GUCY1A1: variants seen among roughly 807,000 people sequenced by gnomAD.
GUCY1A1 encodes guanylate cyclase soluble subunit alpha-1.
GUCY1A1 carries 48 observed loss-of-function variants against 64.5 expected under a neutral mutation model. The observed-to-expected ratio is 0.74, with a 90% confidence interval of 0.59 to 0.95. The LOEUF is 0.95. Among genes scored for constraint, GUCY1A1 ranks in the 40% least tolerant of loss-of-function variants. GUCY1A1 has a pLI of 0.00. For synonymous variants in GUCY1A1, 308 were observed against 303.4 expected (o/e 1.02, Z -0.16); for missense variants, 804 against 825.3 (o/e 0.97, Z 0.32).
chr4:155,692,144 C>T (rs957449696), intron 2 of GUCY1A1, among the ~76,000 whole-genome samples: 54 of 152,278 alleles, frequency 3.5e-4, no homozygotes, highest in African/African-American at 1.3e-3. Flanking sequence ...TTTATAACTA[C>T]ATATTATTCC....
At position 155,711,265 on chromosome 4, in the gene GUCY1A1, A is replaced by G. The variant is rs2126859487; in HGVS notation, c.1086+14A>G. On this transcript the variant is annotated intron_variant, in intron 6 of 9. Transcript: ENST00000506455. ...AAATCTTCAAGGGTAAGGAAAACAT[A>G]ATACTATCTTGAATATGAAAGCTAT... 1 of 1,311,480 alleles carries G rather than the reference A, an allele frequency of 7.6e-7. No individual in the cohort carries two copies. The highest frequency in any genetic ancestry group is 2.3e-5 in the East Asian group (1 of 43,110). The allele number at this position is 1,311,480 out of a possible 1,614,324, so 81.2% of individuals were successfully genotyped here.
Position 155,715,965 on chromosome 4 carries a change from G to A in GUCY1A1, c.1573-1194G>A, listed in dbSNP as rs565318974. ...GGTAAGGGGTGATTGCTATTTCTTA[G>A]AGGGTGGTAGGAATCAGCTTTTCTA... is the stretch of plus-strand genomic sequence containing the variant. On this transcript the variant is annotated intron_variant, in intron 7 of 9. Coordinates refer to ENST00000506455, the MANE Select transcript of GUCY1A1 (RefSeq NM_001130682.3). Among the ~76,000 whole-genome samples the A allele has an allele frequency of 1.4e-3, 215 of 152,276 alleles. 1 individual carries two copies. The highest frequency in any genetic ancestry group is 0.01 in the Middle Eastern group (3 of 294).
chr4:155,684,324 G>A (rs1356578750), intron 2 of GUCY1A1, among the ~76,000 whole-genome samples: 3 of 152,086 alleles, frequency 2.0e-5, no homozygotes, highest in East Asian at 3.9e-4. Flanking sequence ...TTCATTTCTG[G>A]TAATGATTCT....
At chr4:155,705,733 C>T (rs1237342803) in intron 4 of GUCY1A1, among the ~76,000 whole-genome samples, 1 of 152,126 alleles carries the variant, frequency 6.6e-6, no homozygotes, top group Admixed American at 6.5e-5. Flanking sequence ...CATGAGTGAT[C>T]ATCTGCTCTG....
At position 155,731,587 on chromosome 4, in the gene GUCY1A1, G is replaced by A. The variant is rs538096846; in HGVS notation, c.*1356G>A. 11 of 151,852 alleles carry A rather than the reference G, an allele frequency of 7.2e-5. No homozygotes were observed. In the South Asian group the frequency reaches 1.9e-3, roughly 26 times the overall value. 9.4% of individuals were successfully genotyped at this position (151,852 alleles called of 1,614,324 possible). On this transcript the variant is annotated 3_prime_UTR_variant, in exon 10 of 10. Transcript: ENST00000506455. ...GTTAGGTCAGTTGAAGTTCTCTGGT[G>A]AACTAAAAAATCTACATTTTGGTTG...
At chr4:155,722,372 A>G (rs1222722559) in intron 9 of GUCY1A1, 180 bp downstream of exon 9, 2 of 1,409,790 alleles carry the variant, frequency 1.4e-6, no homozygotes, top group Admixed American at 3.1e-5. Flanking sequence ...TAGCCTCCTA[A>G]GAATGACTTG....
rs775880494 is a variant in GUCY1A1, at chr4:155,732,046, C to T, written c.*1815C>T. ...GTAAATACATTTTTCTTTCTGGAAC[C>T]GAACTCTTATTATGGGGAAATAATA... On this transcript the variant is annotated 3_prime_UTR_variant, in exon 10 of 10. Coordinates refer to ENST00000506455, the MANE Select transcript of GUCY1A1 (RefSeq NM_001130682.3). 11 of 151,686 alleles carry T rather than the reference C, an allele frequency of 7.3e-5. No individual in the cohort carries two copies. The highest frequency in any genetic ancestry group is 1.9e-4 in the East Asian group (1 of 5,146). The allele number at this position is 151,686 out of a possible 1,614,324, so 9.4% of individuals were successfully genotyped here.
At chr4:155,717,730 C>T (rs1733449903) in intron 8 of GUCY1A1, among the ~76,000 whole-genome samples, 1 of 152,110 alleles carries the variant, frequency 6.6e-6, no homozygotes, top group African/African-American at 2.4e-5. Flanking sequence ...CTATAATAAT[C>T]AGCAAGATGG....
In GUCY1A1 at chr4:155,717,306, A is replaced by G; in HGVS notation, c.1716+4A>G. On this transcript the variant is annotated splice_donor_region_variant and intron_variant, in intron 8 of 9. Coordinates refer to ENST00000506455, the MANE Select transcript of GUCY1A1 (RefSeq NM_001130682.3). ...TCCCCATGGAGAACCTATCAAGGTA[A>G]GGCAGATGATATATTGTCCAAAAGA... 6.4e-7 allele frequency: 1 copy of G among 1,562,952 alleles called. No individual in the cohort carries two copies. Among genetic ancestry groups the G allele is most frequent in the African/African-American group, 1.4e-5 (1 of 73,330 alleles).
At chr4:155,721,587 G>T (rs1454444752) in intron 8 of GUCY1A1, among the ~76,000 whole-genome samples, 2 of 152,108 alleles carry the variant, frequency 1.3e-5, no homozygotes, top group Admixed American at 6.6e-5. Context: ...ATGTCTAAAA[G>T]ATATATTTAA....
At chr4:155,712,224 G>A (rs1299548429) in intron 6 of GUCY1A1, among the ~76,000 whole-genome samples, 1 of 152,082 alleles carries the variant, frequency 6.6e-6, no homozygotes, top group East Asian at 1.9e-4. Context: ...TCCAACTCCG[G>A]GGTTCAAGCA....
intron 3 of GUCY1A1, among the ~76,000 whole-genome samples, chr4:155,702,159 T>C (rs542903008): frequency 6.5e-4 from 99 of 152,292 alleles, no homozygotes; most frequent in Non-Finnish European, 1.0e-3. Context: ...AAGAGACAGA[T>C]TATGAAAAAT....
In GUCY1A1 at chr4:155,706,673, G is replaced by A. The variant is rs139999801; in HGVS notation, c.318-1563G>A. Among the ~76,000 whole-genome samples the A allele has an allele frequency of 4.2e-4, 64 of 152,134 alleles. No homozygotes were observed. In the East Asian group the frequency reaches 0.012, roughly 28 times the overall value. Reference sequence around the variant, plus strand: ...CATGCTGGTGTGTGTGTGTGTGTGTGTATTTGTATAAGGCACACATGTGTT... The same window carrying A: ...CATGCTGGTGTGTGTGTGTGTGTGTATATTTGTATAAGGCACACATGTGTT... On this transcript the variant is annotated intron_variant, in intron 4 of 9. Coordinates refer to ENST00000506455, the MANE Select transcript of GUCY1A1 (RefSeq NM_001130682.3).
Position 155,710,862 on chromosome 4 carries a change from G to A in GUCY1A1, c.697G>A (p.Val233Met). Residue 233 changes from valine (V) to methionine (M), a missense_variant, in exon 6 of 10, where the codon GTG becomes ATG. Physicochemically the swap from Val to Met is conservative, Grantham distance 21 (BLOSUM62 1). Coordinates refer to ENST00000506455, the MANE Select transcript of GUCY1A1 (RefSeq NM_001130682.3). ...CGTATTATATGAAACGGAAGTGGAA[G>A]TGTCGTTAATGCCTCCCTGCTTCCA... ...AHVLYETEVEVSLMPPCFHND... is the reference protein window; with the variant it reads ...AHVLYETEVEMSLMPPCFHND... 1 of 1,614,042 alleles carries A rather than the reference G, an allele frequency of 6.2e-7. No homozygotes were observed. Among genetic ancestry groups the A allele is most frequent in the South Asian group, 1.1e-5 (1 of 91,080 alleles).
intron 2 of GUCY1A1, among the ~76,000 whole-genome samples, chr4:155,673,259 T>G (rs1214158833): frequency 1.3e-5 from 2 of 151,610 alleles, no homozygotes; most frequent in Non-Finnish European, 2.9e-5. Flanking sequence ...TTATGGATTA[T>G]GCTTGTCACT....
At chr4:155,704,828 T>A (rs1731524296) in intron 4 of GUCY1A1, among the ~76,000 whole-genome samples, 1 of 152,170 alleles carries the variant, frequency 6.6e-6, no homozygotes, top group African/African-American at 2.4e-5. Flanking sequence ...GCCATCCTTC[T>A]GCCTCAGCCT....
Position 155,710,632 on chromosome 4 carries a change from G to C in GUCY1A1, c.467G>C (p.Gly156Ala), listed in dbSNP as rs1271456059. ...GATGAAAACATCCTTGGGGTGGTTG[G>C]AGGCACCCTTAAAGATTTTTTAAAC... ...EEDENILGVV[G>A]GTLKDFLNSF... The change falls in exon 6 of 10, where the codon GGA (glycine) becomes GCA (alanine). Residue 156 changes from glycine to alanine, a missense_variant. Coordinates refer to ENST00000506455, the MANE Select transcript of GUCY1A1 (RefSeq NM_001130682.3). 1.2e-6 allele frequency: 2 copies of C among 1,613,100 alleles called. No individual in the cohort carries two copies. The highest frequency in any genetic ancestry group is 8.5e-7 in the Non-Finnish European group (1 of 1,179,276).
At chr4:155,677,752 TG>T (rs1735155341) in intron 2 of GUCY1A1, among the ~76,000 whole-genome samples, 1 of 152,008 alleles carries the variant, frequency 6.6e-6, no homozygotes, top group Non-Finnish European at 1.5e-5. Flanking sequence ...CTTTGGAAAC[TG>T]AGGCAGGAGA....
In GUCY1A1 at chr4:155,730,418, A is replaced by C; in HGVS notation, c.*187A>C. 1 of 369,524 alleles carries C rather than the reference A, an allele frequency of 2.7e-6. No individual in the cohort carries two copies. The highest frequency in any genetic ancestry group is 6.6e-5 in the South Asian group (1 of 15,224). The allele number at this position is 369,524 out of a possible 1,614,324, so 22.9% of individuals were successfully genotyped here. A position where few individuals can be genotyped will look rare whatever the true frequency, so the allele number is the denominator to read the frequency against. On this transcript the variant is annotated 3_prime_UTR_variant, in exon 10 of 10. Transcript: ENST00000506455. ...CTCACTTCAGTACTTCAGCTCTTCA[A>C]GAAAAAAAAAAAAAACCTTAAAAAG...
Sources: gnomAD v4.1 joint callset for allele counts (sites outside exome capture counted in the v4.1 genomes callset) on GRCh38, gnomAD v4.1.1 for gene constraint, MANE v1.5 for transcripts, NCBI Gene and HGNC (gene_info 2026-07-23, HGNC 2026-07-21) for gene names.